NDUFA12: variants seen among roughly 807,000 people sequenced by gnomAD.
NDUFA12 encodes NADH dehydrogenase [ubiquinone] 1 alpha subcomplex subunit 12.
A neutral mutation model predicts 20.3 loss-of-function variants in NDUFA12; 17 were observed. That is an observed-to-expected ratio of 0.84 (90% CI 0.57 to 1.26). NDUFA12 has a LOEUF of 1.26. NDUFA12 is among the 50% of genes most tolerant of loss of function. The pLI is 0.00. For missense variants in NDUFA12, 191 were observed against 183.7 expected (o/e 1.04, Z -0.23); for synonymous variants, 72 against 63.6 (o/e 1.13, Z -0.63).
chr12:95,000,879 C>CA (rs1420202301), intron 2 of NDUFA12, among the ~76,000 whole-genome samples: 1 of 152,094 alleles, frequency 6.6e-6, no homozygotes, highest in African/African-American at 2.4e-5. Flanking sequence ...CAACGTATTC[C>CA]AAAACACGTA....
chr12:94,973,380 A>G (rs1246490875), intron 3 of NDUFA12, among the ~76,000 whole-genome samples: 1 of 152,226 alleles, frequency 6.6e-6, no homozygotes, highest in Non-Finnish European at 1.5e-5. Flanking sequence ...GTAACCATTC[A>G]TATGAGCACA....
intron 3 of NDUFA12, among the ~76,000 whole-genome samples, chr12:94,992,802 T>TG (rs1277094644): frequency 6.6e-6 from 1 of 152,142 alleles, no homozygotes; most frequent in Non-Finnish European, 1.5e-5. Context: ...TGTCCAGACT[T>TG]GGAGTCTTCC....
At chr12:94,973,852 A>C (rs941912200) in intron 3 of NDUFA12, among the ~76,000 whole-genome samples, 1 of 152,130 alleles carries the variant, frequency 6.6e-6, no homozygotes, top group African/African-American at 2.4e-5. Flanking sequence ...AAATGTTTAT[A>C]GTCTGCTAGG....
intron 3 of NDUFA12, among the ~76,000 whole-genome samples, chr12:94,987,312 A>G (rs34008534): frequency 0.08 from 12,203 of 152,288 alleles, 563 homozygotes; most frequent in East Asian, 0.16. Context: ...TGAAAATCAC[A>G]GAAAAGTTGA....
intron 3 of NDUFA12, among the ~76,000 whole-genome samples, chr12:94,987,179 C>T (rs1376044806): frequency 2.2e-4 from 34 of 152,104 alleles, no homozygotes. Flanking sequence ...AAAAACATGG[C>T]TTCAGTGACA....
At position 94,984,341 on chromosome 12, in the gene NDUFA12, G is replaced by A. The variant is rs543632788; in HGVS notation, c.257+9829C>T. On this transcript the variant is annotated intron_variant, in intron 3 of 3. Coordinates refer to ENST00000327772, the MANE Select transcript of NDUFA12 (RefSeq NM_018838.5). ...ACTCTCCACTAAAAAACAAGCAAAC[G>A]GCCGGGTGTGGTGGCTCATGCCTGT... Among the ~76,000 whole-genome samples, 7 of 151,958 alleles carry A rather than the reference G, an allele frequency of 4.6e-5. No individual in the cohort carries two copies. In the East Asian group the frequency reaches 5.8e-4, roughly 13 times the overall value.
Position 94,971,346 on chromosome 12 carries a change from T to G in NDUFA12, c.*94A>C. The G allele has an allele frequency of 7.0e-7, 1 of 1,430,006 alleles. No individual in the cohort carries two copies. Among genetic ancestry groups the G allele is most frequent in the Admixed American group, 1.7e-5 (1 of 58,668 alleles). 88.6% of individuals were successfully genotyped at this position (1,430,006 alleles called of 1,614,324 possible). ...CGAAAGACATTGTTTAGTCACACAATTTTAATTGTGAATTATAGTGAATGG... is the reference window on the plus strand; with the variant it reads ...CGAAAGACATTGTTTAGTCACACAAGTTTAATTGTGAATTATAGTGAATGG... On this transcript the variant is annotated 3_prime_UTR_variant, in exon 4 of 4. Transcript: ENST00000327772.
intron 2 of NDUFA12, among the ~76,000 whole-genome samples, chr12:95,001,124 G>C (rs1376360614): frequency 6.6e-6 from 1 of 152,106 alleles, no homozygotes; most frequent in Non-Finnish European, 1.5e-5. Context: ...GGGGAACAAA[G>C]TGAGACCCCA....
chr12:94,977,032 G>A (rs1461214261), intron 3 of NDUFA12, among the ~76,000 whole-genome samples: 1 of 152,166 alleles, frequency 6.6e-6, no homozygotes, highest in Non-Finnish European at 1.5e-5. Flanking sequence ...GTAACATTCT[G>A]TAACATAAGA....
At position 94,972,223 on chromosome 12, in the gene NDUFA12, C is replaced by T. The variant is rs191144919; in HGVS notation, c.258-603G>A. ...GATTATAGGCATGAGCCACCATGCC[C>T]GGCCCATTACTGTATCTTATCAAAT... On this transcript the variant is annotated intron_variant, in intron 3 of 3. Coordinates refer to ENST00000327772, the MANE Select transcript of NDUFA12 (RefSeq NM_018838.5). Among the ~76,000 whole-genome samples the T allele has an allele frequency of 1.4e-4, 22 of 152,230 alleles. No homozygotes were observed. In the East Asian group the frequency reaches 2.7e-3, roughly 19 times the overall value.
At chr12:94,982,066 T>C (rs956265362) in intron 3 of NDUFA12, among the ~76,000 whole-genome samples, 3 of 152,130 alleles carry the variant, frequency 2.0e-5, no homozygotes, top group African/African-American at 7.2e-5. Context: ...CTAAGGGAAA[T>C]CTTTCCCTAG....
chr12:94,982,153 G>A (rs544176876), intron 3 of NDUFA12, among the ~76,000 whole-genome samples: 8 of 152,328 alleles, frequency 5.3e-5, no homozygotes, highest in African/African-American at 1.9e-4. Flanking sequence ...TCAGGACAGA[G>A]GACAGGAATC....
intron 3 of NDUFA12, among the ~76,000 whole-genome samples, chr12:94,985,685 A>C (rs1874412087): frequency 6.6e-6 from 1 of 151,944 alleles, no homozygotes; most frequent in Non-Finnish European, 1.5e-5. Context: ...CATTTCTCAG[A>C]AGACATACAA....
intron 3 of NDUFA12, among the ~76,000 whole-genome samples, chr12:94,974,013 G>A (rs1030457748): frequency 3.6e-5 from 5 of 140,522 alleles, no homozygotes; most frequent in African/African-American, 1.3e-4. Context: ...GCTCTGTGGC[G>A]CAGGCTGGAG....
intron 3 of NDUFA12, among the ~76,000 whole-genome samples, chr12:94,985,153 T>C (rs1592701327): frequency 1.3e-5 from 2 of 152,010 alleles, no homozygotes; most frequent in Middle Eastern, 3.4e-3. Flanking sequence ...GGAGACTGTG[T>C]TTTTATAAAA....
intron 3 of NDUFA12, among the ~76,000 whole-genome samples, chr12:94,985,858 A>T (rs1438599582): frequency 6.6e-6 from 1 of 151,936 alleles, no homozygotes; most frequent in African/African-American, 2.4e-5. Context: ...GCCGAGGTGG[A>T]CAGATCACCT....
At chr12:94,988,393 T>C (rs369591406) in intron 3 of NDUFA12, among the ~76,000 whole-genome samples, 49 of 152,226 alleles carry the variant, frequency 3.2e-4, no homozygotes, top group African/African-American at 1.1e-3. Context: ...AACTTACTTT[T>C]ATTAAAATAT....
intron 3 of NDUFA12, among the ~76,000 whole-genome samples, chr12:94,982,863 C>T (rs1874289446): frequency 6.6e-6 from 1 of 152,130 alleles, no homozygotes; most frequent in African/African-American, 2.4e-5. Flanking sequence ...TATCTGGTTT[C>T]CAGGATAACA....
chr12:95,003,687 T>C lies in NDUFA12; in HGVS notation c.-7A>G, dbSNP rs2136075469. The stretch of plus-strand genomic sequence containing the variant: ...GGACCTGCACTAACTCCATCTTGCC[T>C]CGCTGGCCCCGCCTCCCGGGTGCGC... On this transcript the variant is annotated 5_prime_UTR_variant, in exon 1 of 4. Coordinates refer to ENST00000327772, the MANE Select transcript of NDUFA12 (RefSeq NM_018838.5). The C allele has an allele frequency of 5.6e-6, 9 of 1,614,118 alleles. No individual in the cohort carries two copies. The highest frequency in any genetic ancestry group is 7.6e-6 in the Non-Finnish European group (9 of 1,180,026).
Sources: gnomAD v4.1 joint callset for allele counts (sites outside exome capture counted in the v4.1 genomes callset) on GRCh38, gnomAD v4.1.1 for gene constraint, MANE v1.5 for transcripts, NCBI Gene and HGNC (gene_info 2026-07-23, HGNC 2026-07-21) for gene names.